IMPG2: variants seen among roughly 807,000 people sequenced by gnomAD.
IMPG2 encodes the protein IPM 200.
Under a neutral mutation model 129.2 loss-of-function variants are expected in IMPG2, and 91 were observed. That is an observed-to-expected ratio of 0.70 (90% CI 0.59 to 0.84). The LOEUF is 0.84. Ranked by LOEUF, IMPG2 falls within the 40% of genes least tolerant of loss-of-function variation. IMPG2 has a pLI of 0.00. For missense variants in IMPG2, 1,430 were observed against 1,461.7 expected (o/e 0.98, Z 0.35); for synonymous variants, 510 against 517.7 (o/e 0.99, Z 0.20).
At chr3:101,260,427 G>A (rs558306160) in intron 9 of IMPG2, among the ~76,000 whole-genome samples, 14 of 152,072 alleles carry the variant, frequency 9.2e-5, no homozygotes, top group Admixed American at 2.0e-4. Context: ...TATTTATAAA[G>A]AAATCAATTC....
At position 101,305,965 on chromosome 3, in the gene IMPG2, A is replaced by C. The variant is rs73863039; in HGVS notation, c.335-1653T>G. Reference sequence around the variant, plus strand: ...AGAAAGTTAGATTTAACAGAGATTAAAAAAACTATTTTTCATAGCAAGAAG... The same window carrying C: ...AGAAAGTTAGATTTAACAGAGATTACAAAAACTATTTTTCATAGCAAGAAG... On this transcript the variant is annotated intron_variant, in intron 2 of 18. Coordinates refer to ENST00000193391, the MANE Select transcript of IMPG2 (RefSeq NM_016247.4). Among the ~76,000 whole-genome samples the C allele has an allele frequency of 9.5e-3, 1,442 of 152,254 alleles. 26 individuals are homozygous for C. Among genetic ancestry groups the C allele is most frequent in the African/African-American group, 0.033 (1,361 of 41,546 alleles).
rs142865500 is a variant in IMPG2, at chr3:101,244,213, T to C, written c.2118A>G (p.Ile706Met). 217 of 1,613,872 alleles carry C rather than the reference T, an allele frequency of 1.3e-4. No individual in the cohort carries two copies. The highest frequency in any genetic ancestry group is 1.8e-4 in the Non-Finnish European group (207 of 1,179,986). The change falls in exon 13 of 19, where the codon ATA becomes ATG. Residue 706 changes from isoleucine to methionine, a missense_variant. Ile to Met is a conservative substitution (Grantham distance 10). Transcript: ENST00000193391. The part of the protein sequence containing the change: ...ESASLTLPKH[I>M]SEVPGVDDYS... Reference sequence around the variant, plus strand: ...AATCATCAACACCAGGTACTTCTGATATGTGCTTGGGGAGGGTTAGAGACG... The same window carrying C: ...AATCATCAACACCAGGTACTTCTGACATGTGCTTGGGGAGGGTTAGAGACG...
intron 7 of IMPG2, among the ~76,000 whole-genome samples, chr3:101,272,770 T>A (rs1438923727): frequency 1.3e-5 from 2 of 152,170 alleles, no homozygotes; most frequent in African/African-American, 4.8e-5. Context: ...TTATTTCTCA[T>A]CTGGACACAG....
At position 101,257,601 on chromosome 3, in the gene IMPG2, T is replaced by C. The variant is rs1576753917; in HGVS notation, c.1081A>G (p.Thr361Ala). The C allele has an allele frequency of 1.2e-6, 2 of 1,613,376 alleles. No homozygotes were observed. The highest frequency in any genetic ancestry group is 2.2e-5 in the South Asian group (2 of 91,074). The change falls in exon 10 of 19, where the codon ACA becomes GCA. Residue 361 changes from threonine to alanine, a missense_variant. Physicochemically the swap from Thr to Ala is moderately conservative, Grantham distance 58. Coordinates refer to ENST00000193391, the MANE Select transcript of IMPG2 (RefSeq NM_016247.4). The part of the protein sequence containing the change: ...ISNFRDYIAE[T>A]LQQNFLLGNS... ...CCCAGCAAAAAATTCTGCTGCAATGTCTCAGCAATATAATCTCTGAAGTTA... is the reference window on the plus strand; with the variant it reads ...CCCAGCAAAAAATTCTGCTGCAATGCCTCAGCAATATAATCTCTGAAGTTA...
chr3:101,250,009 T>C (rs998610722), intron 11 of IMPG2, among the ~76,000 whole-genome samples: 2 of 151,952 alleles, frequency 1.3e-5, no homozygotes, highest in Non-Finnish European at 2.9e-5. Context: ...CCCAAGGAGT[T>C]TGAGGCTTCA....
chr3:101,227,441 G>A (rs1706237068), intron 18 of IMPG2, among the ~76,000 whole-genome samples: 2 of 152,226 alleles, frequency 1.3e-5, no homozygotes, highest in South Asian at 4.1e-4. Flanking sequence ...ACAGAAACAT[G>A]TAGTCAATCT....
rs1364870789 is a variant in IMPG2 at position 101,245,913 on chromosome 3, C to A, written c.1432G>T (p.Val478Phe). The A allele has an allele frequency of 6.2e-7, 1 of 1,614,174 alleles. No homozygotes were observed. The highest frequency in any genetic ancestry group is 1.7e-5 in the Admixed American group (1 of 60,012). The change falls in exon 12 of 19, where the codon GTT becomes TTT. Residue 478 changes from valine (V) to phenylalanine (F), a missense_variant. Transcript: ENST00000193391. The stretch of plus-strand genomic sequence containing the variant: ...AGAGTCAAGCTGCTAACCTCTAAAA[C>A]CTCTGGGGAAGAGCTGAGGCCCATC... The part of the protein sequence containing the change: ...SKMGLSSSPE[V>F]LEVSSLTLHS...
At chr3:101,293,815 T>C (rs950534424) in intron 3 of IMPG2, among the ~76,000 whole-genome samples, 2 of 152,234 alleles carry the variant, frequency 1.3e-5, no homozygotes, top group African/African-American at 4.8e-5. Flanking sequence ...GTTATAAAGA[T>C]AGCTTCTATT....
intron 4 of IMPG2, among the ~76,000 whole-genome samples, chr3:101,278,239 T>C (rs964505484): frequency 1.3e-5 from 2 of 152,078 alleles, no homozygotes; most frequent in Non-Finnish European, 2.9e-5. Flanking sequence ...TGCCTCTAAA[T>C]AAATAAATAA....
chr3:101,248,395 T>G (rs1026623002), intron 11 of IMPG2, among the ~76,000 whole-genome samples: 4 of 152,196 alleles, frequency 2.6e-5, no homozygotes, highest in African/African-American at 9.6e-5. Context: ...GTAAGTCCAT[T>G]AAACCTCTTT....
At chr3:101,232,614 TAAA>T (rs1559639598) in intron 15 of IMPG2, among the ~76,000 whole-genome samples, 164 bp downstream of exon 15, 2 of 152,052 alleles carry the variant, frequency 1.3e-5, no homozygotes, top group African/African-American at 2.4e-5. Flanking sequence ...TCAGGCCTGT[TAAA>T]CAACTCATCC....
chr3:101,305,415 G>A (rs1314881675), intron 2 of IMPG2, among the ~76,000 whole-genome samples: 2 of 152,058 alleles, frequency 1.3e-5, no homozygotes, highest in Non-Finnish European at 2.9e-5. Flanking sequence ...GATACATGTC[G>A]TTATACATTT....
intron 6 of IMPG2, among the ~76,000 whole-genome samples, chr3:101,274,270 T>C (rs1033506766): frequency 6.6e-6 from 1 of 152,022 alleles, no homozygotes; most frequent in African/African-American, 2.4e-5. Flanking sequence ...GCTGTGTAAG[T>C]AGAATATAAT....
At position 101,244,805 on chromosome 3, in the gene IMPG2, C is replaced by T. The variant is rs779527846; in HGVS notation, c.1544-18G>A. The T allele has an allele frequency of 6.2e-7, 1 of 1,607,062 alleles. No homozygotes were observed. Among genetic ancestry groups the T allele is most frequent in the Non-Finnish European group, 8.5e-7 (1 of 1,174,608 alleles). On this transcript the variant is annotated intron_variant, in intron 12 of 18. Transcript: ENST00000193391. ...GGCTAATCCTAAAAATAAAGTTTTCCATTAATTAATCTACAGAGTTGCCAA... is the reference window on the plus strand; with the variant it reads ...GGCTAATCCTAAAAATAAAGTTTTCTATTAATTAATCTACAGAGTTGCCAA...
intron 11 of IMPG2, among the ~76,000 whole-genome samples, chr3:101,251,663 A>G (rs1706545092): frequency 1.3e-5 from 2 of 152,186 alleles, no homozygotes. Context: ...GGGTGCCAGA[A>G]AAGTGTCAAA....
rs1706202334 is a variant in IMPG2, at chr3:101,224,644, G to A, written c.*2325C>T. Reference sequence around the variant, plus strand: ...TAGTGCTTTGCTTTGTACATGAGTGGATGGATCTTTGCTGGGCAAACTGTG... The same window carrying A: ...TAGTGCTTTGCTTTGTACATGAGTGAATGGATCTTTGCTGGGCAAACTGTG... On this transcript the variant is annotated 3_prime_UTR_variant, in exon 19 of 19. Coordinates refer to ENST00000193391, the MANE Select transcript of IMPG2 (RefSeq NM_016247.4). The A allele has an allele frequency of 6.6e-6, 1 of 152,150 alleles. No homozygotes were observed. The highest frequency in any genetic ancestry group is 1.5e-5 in the Non-Finnish European group (1 of 68,012). 9.4% of individuals were successfully genotyped at this position (152,150 alleles called of 1,614,324 possible). A position where few individuals can be genotyped will look rare whatever the true frequency, so the allele number is the denominator to read the frequency against.
chr3:101,256,144 GAAAAGAAAGAAAGAAA>G (rs1559646297), intron 10 of IMPG2, among the ~76,000 whole-genome samples: 1 of 45,292 alleles, frequency 2.2e-5, no homozygotes, highest in Non-Finnish European at 4.7e-5. Flanking sequence ...AAGAAAGAAA[GAAAAGAAAGAAAGAAA>G]GAAAGAAAGA....
At position 101,291,299 on chromosome 3, in the gene IMPG2, T is replaced by C. The variant is rs138587638; in HGVS notation, c.533+180A>G. 5.7e-4 allele frequency among the ~76,000 whole-genome samples: 87 copies of C among 152,296 alleles called. 1 individual carries two copies. The East Asian group carries it at 0.014, about 25-fold the overall frequency. On this transcript the variant is annotated intron_variant, in intron 4 of 18. Transcript: ENST00000193391. ...CAAATGCGCACAGTGGCTGTGGTCA[T>C]GGTCTGAAAAGAAAGGTGGCTTGGG...
chr3:101,232,946 G>A lies in IMPG2; in HGVS notation c.3068C>T (p.Ser1023Leu). 1 of 1,614,008 alleles carries A rather than the reference G, an allele frequency of 6.2e-7. No individual in the cohort carries two copies. The highest frequency in any genetic ancestry group is 1.1e-5 in the South Asian group (1 of 91,082). ...ACTCCAGGGGTTGACCAGACACTCT[G>A]AAAATTCATTACAGGCCTGAAACTT... ...PCKFQACNEF[S>L]ECLVNPWSGE... The change falls in exon 15 of 19, where the codon TCA becomes TTA. Residue 1023 changes from serine (S) to leucine (L), a missense_variant. Coordinates refer to ENST00000193391, the MANE Select transcript of IMPG2 (RefSeq NM_016247.4).
Sources: allele counts gnomAD v4.1 joint callset (sites outside exome capture counted in the v4.1 genomes callset), GRCh38; gene constraint gnomAD v4.1.1; transcripts MANE v1.5; gene names NCBI Gene and HGNC (gene_info 2026-07-23, HGNC 2026-07-21).